Variants in ANKRD44 observed in about 807,000 individuals in gnomAD.
ANKRD44 encodes serine/threonine-protein phosphatase 6 regulatory ankyrin repeat subunit B.
In ANKRD44, 35 loss-of-function variants were observed where a neutral mutation model predicts 116.0. That is an observed-to-expected ratio of 0.30 (90% CI 0.23 to 0.40). The LOEUF (loss-of-function observed/expected upper bound fraction) is 0.40. ANKRD44 is among the 10% of genes least tolerant of loss of function. The pLI, the probability that ANKRD44 is intolerant of heterozygous loss-of-function variation, is 1.00. For missense variants in ANKRD44, 1,014 were observed against 1,242.6 expected (o/e 0.82, Z 2.77); for synonymous variants, 435 against 461.8 (o/e 0.94, Z 0.74).
intron 1 of ANKRD44, among the ~76,000 whole-genome samples, chr2:197,244,394 C>T (rs958026246): frequency 1.3e-5 from 2 of 152,230 alleles, no homozygotes; most frequent in Non-Finnish European, 2.9e-5. Context: ...TCATCAGCCT[C>T]CAGACTGGTC....
chr2:197,013,722 A>T lies in ANKRD44; in HGVS notation c.1723-10T>A. ...GGTGCCCATTGTAGGCCTGCAAAGAAGAAACCAATGGCTCCCATGCTTGCT... is the reference window on the plus strand; with the variant it reads ...GGTGCCCATTGTAGGCCTGCAAAGATGAAACCAATGGCTCCCATGCTTGCT... On this transcript the variant is annotated splice_polypyrimidine_tract_variant and intron_variant, in intron 17 of 27. Transcript: ENST00000282272. The T allele has an allele frequency of 6.2e-7, 1 of 1,612,324 alleles. No individual in the cohort carries two copies. The highest frequency in any genetic ancestry group is 1.1e-5 in the South Asian group (1 of 90,992).
intron 1 of ANKRD44, among the ~76,000 whole-genome samples, chr2:197,265,502 C>T (rs1574398772): frequency 1.3e-5 from 2 of 152,188 alleles, no homozygotes; most frequent in African/African-American, 4.8e-5. Flanking sequence ...CTGTCTCAGC[C>T]TCCCAAAGTG....
At chr2:197,145,019 C>T (rs759556475) in intron 3 of ANKRD44, among the ~76,000 whole-genome samples, 15 of 152,228 alleles carry the variant, frequency 9.9e-5, no homozygotes, top group Non-Finnish European at 1.3e-4. Flanking sequence ...GGGCTGGGCA[C>T]GGTGGCTCAC....
chr2:197,200,876 T>C (rs1319680175), intron 1 of ANKRD44, among the ~76,000 whole-genome samples: 1 of 152,214 alleles, frequency 6.6e-6, no homozygotes, highest in Non-Finnish European at 1.5e-5. Context: ...TATGTTGCAA[T>C]AGTATGTTTG....
At chr2:197,158,797 C>T (rs2079884509) in intron 2 of ANKRD44, among the ~76,000 whole-genome samples, 1 of 152,144 alleles carries the variant, frequency 6.6e-6, no homozygotes, top group African/African-American at 2.4e-5. Flanking sequence ...TAGACAAAAA[C>T]ATTTACTGGG....
chr2:197,019,940 G>T (rs1490239408), intron 17 of ANKRD44, among the ~76,000 whole-genome samples: 1 of 151,838 alleles, frequency 6.6e-6, no homozygotes, highest in East Asian at 1.9e-4. Context: ...GAGATTACAG[G>T]TGCACGCCAC....
chr2:197,275,290 T>C (rs1269178998), intron 1 of ANKRD44, among the ~76,000 whole-genome samples: 1 of 151,742 alleles, frequency 6.6e-6, no homozygotes, highest in African/African-American at 2.4e-5. Flanking sequence ...AATATGTGGA[T>C]TTTTTGTTGA....
chr2:197,292,245 G>A (rs77117039), intron 1 of ANKRD44, among the ~76,000 whole-genome samples: 11,121 of 152,170 alleles, frequency 0.073, 1,037 homozygotes, highest in African/African-American at 0.22. Context: ...TTGAGAGATC[G>A]CCACACTGTC....
chr2:197,035,827 C>G (rs1295584629), intron 16 of ANKRD44, among the ~76,000 whole-genome samples: 2 of 152,202 alleles, frequency 1.3e-5, no homozygotes, highest in South Asian at 4.2e-4. Flanking sequence ...AGTTCCAGAC[C>G]ACCCAGGCCG....
At chr2:197,298,644 C>G (rs1275022707) in intron 1 of ANKRD44, among the ~76,000 whole-genome samples, 1 of 152,066 alleles carries the variant, frequency 6.6e-6, no homozygotes, top group Non-Finnish European at 1.5e-5. Context: ...TAAAGTAGGC[C>G]AAGCATGGTG....
chr2:197,049,683 T>C (rs2077069225), intron 16 of ANKRD44, among the ~76,000 whole-genome samples: 3 of 152,116 alleles, frequency 2.0e-5, no homozygotes, highest in South Asian at 4.1e-4. Flanking sequence ...GGTCTTGATA[T>C]ATTGCCCAGG....
rs143184998 is a variant in ANKRD44 at position 197,303,726 on chromosome 2, C to T, written c.27+6852G>A. On this transcript the variant is annotated intron_variant, in intron 1 of 27. Coordinates refer to ENST00000282272, the MANE Select transcript of ANKRD44 (RefSeq NM_001195144.2). ...TGCAAACAATTATCGACTTAGTAAT[C>T]CCTGAAACAGCCCAAAGTGGACTAT... Among the ~76,000 whole-genome samples the T allele has an allele frequency of 8.7e-4, 132 of 152,306 alleles. 4 individuals are homozygous for T. The South Asian group carries it at 0.02, about 23-fold the overall frequency.
intron 3 of ANKRD44, among the ~76,000 whole-genome samples, chr2:197,144,500 TC>T (rs1393815096): frequency 1.3e-5 from 2 of 152,146 alleles, no homozygotes; most frequent in African/African-American, 4.8e-5. Context: ...AAAATAAAAG[TC>T]AAGTGAATTC....
chr2:196,970,655 C>T (rs1192777085), intron 21 of ANKRD44, among the ~76,000 whole-genome samples: 5 of 151,918 alleles, frequency 3.3e-5, no homozygotes, highest in African/African-American at 1.2e-4. Context: ...CAAAAACAAC[C>T]AGCATAAATT....
At chr2:197,065,068 G>A (rs962716059) in intron 16 of ANKRD44, among the ~76,000 whole-genome samples, 12 of 152,136 alleles carry the variant, frequency 7.9e-5, no homozygotes, top group Non-Finnish European at 1.6e-4. Context: ...GCACTCCTCA[G>A]CAAATGTAAA....
chr2:197,009,655 C>A lies in ANKRD44; in HGVS notation c.1925-624G>T, dbSNP rs376672352. On this transcript the variant is annotated intron_variant, in intron 18 of 27. Transcript: ENST00000282272. ...AAGTGCTGGGATTACAGGCATGAGC[C>A]ACCGTGCCTGGCCCCAAGTGACATT... Among the ~76,000 whole-genome samples the A allele has an allele frequency of 2.3e-3, 349 of 152,304 alleles. 16 individuals carry two copies. In the South Asian group the frequency reaches 0.069, roughly 30 times the overall value.
chr2:197,165,756 C>T (rs1296534186), intron 2 of ANKRD44, among the ~76,000 whole-genome samples: 2 of 152,148 alleles, frequency 1.3e-5, no homozygotes, highest in African/African-American at 4.8e-5. Context: ...AAGACCTAAG[C>T]AATGAAAGAA....
intron 2 of ANKRD44, among the ~76,000 whole-genome samples, chr2:197,176,819 C>T (rs937466793): frequency 2.0e-5 from 3 of 152,092 alleles, no homozygotes; most frequent in Admixed American, 1.3e-4. Flanking sequence ...ATGCAACCTC[C>T]TGGTAAAAAA....
intron 1 of ANKRD44, among the ~76,000 whole-genome samples, chr2:197,218,849 T>C (rs1301333300): frequency 1.5e-5 from 2 of 135,252 alleles, no homozygotes; most frequent in African/African-American, 5.5e-5. Flanking sequence ...AATCTCCGCC[T>C]CCTGGGTTCA....
Sources: gnomAD v4.1 joint callset for allele counts (sites outside exome capture counted in the v4.1 genomes callset) on GRCh38, gnomAD v4.1.1 for gene constraint, MANE v1.5 for transcripts, NCBI Gene and HGNC (gene_info 2026-07-23, HGNC 2026-07-21) for gene names.